The following GLS2 variants were observed in gnomAD, a reference collection of about 807,000 sequenced individuals.
The protein encoded by GLS2 is glutaminase liver isoform, mitochondrial.
Under a neutral mutation model 79.0 loss-of-function variants are expected in GLS2, and 52 were observed. That is an observed-to-expected ratio of 0.66 (90% confidence interval 0.53 to 0.83). The LOEUF is 0.83. GLS2 is among the 40% of genes least tolerant of loss of function. GLS2 has a pLI of 0.00. For missense variants in GLS2, 561 were observed against 764.8 expected (o/e 0.73, Z 3.14); for synonymous variants, 238 against 280.8 (o/e 0.85, Z 1.52).
chr12:56,474,904 G>A lies in GLS2; in HGVS notation c.997-8C>T. 1 of 1,614,124 alleles carries A rather than the reference G, an allele frequency of 6.2e-7. No individual in the cohort carries two copies. The highest frequency in any genetic ancestry group is 8.5e-7 in the Non-Finnish European group (1 of 1,180,030). ...CACCCCCTTAGGAAAGCACTGCAAGGAAGAGAGGGGAGAGCATTTCTCTTC... is the reference window on the plus strand; with the variant it reads ...CACCCCCTTAGGAAAGCACTGCAAGAAAGAGAGGGGAGAGCATTTCTCTTC... On this transcript the variant is annotated splice_region_variant and splice_polypyrimidine_tract_variant and intron_variant, in intron 10 of 17. Coordinates refer to ENST00000311966, the MANE Select transcript of GLS2 (RefSeq NM_013267.4).
intron 1 of GLS2, chr12:56,487,590 C>A (rs1487329672): frequency 2.7e-6 from 1 of 366,010 alleles, no homozygotes; most frequent in Non-Finnish European, 5.0e-6. Flanking sequence ...CTAAAATACA[C>A]ACGAGGACTA....
rs1401651979 is a variant in GLS2, at chr12:56,478,036, G to A, written c.675C>T (p.Thr225=). The A allele has an allele frequency of 1.1e-5, 18 of 1,614,138 alleles. No homozygotes were observed. The highest frequency in any genetic ancestry group is 2.7e-5 in the African/African-American group (2 of 74,942). ...FCLQSCVKPL[T]YAISISTLGT... The stretch of plus-strand genomic sequence containing the variant: ...CTAGGGTGCTTATGGAGATGGCATA[G>A]GTGAGGGGCTTCACACAGGACTGCA... Residue 225 remains threonine, a synonymous_variant, in exon 6 of 18, where the codon ACC becomes ACT. Transcript: ENST00000311966.
chr12:56,473,143 C>T lies in GLS2; in HGVS notation c.1449+85G>A, dbSNP rs1186570592. ...TGACCTTGTGATCCGCCCGCCTTGG[C>T]CTCTCAAAGTGCAGGGATTACAGGC... On this transcript the variant is annotated intron_variant, in intron 14 of 17. Coordinates refer to ENST00000311966, the MANE Select transcript of GLS2 (RefSeq NM_013267.4). The T allele has an allele frequency of 4.0e-6, 5 of 1,247,504 alleles. No homozygotes were observed. The African/African-American group carries it at 6.0e-5, about 15-fold the overall frequency. The allele number at this position is 1,247,504 out of a possible 1,614,324, so 77.3% of individuals were successfully genotyped here. A position where few individuals can be genotyped will look rare whatever the true frequency, so the allele number is the denominator to read the frequency against.
At chr12:56,473,858 G>A in intron 12 of GLS2, 2 of 384,944 alleles carry the variant, frequency 5.2e-6, no homozygotes, top group Non-Finnish European at 9.2e-6. Flanking sequence ...CCATTCTGGT[G>A]TTAGGAGATA....
chr12:56,478,151 C>G, intron 5 of GLS2, 32 bp downstream of exon 5: 2 of 1,614,158 alleles, frequency 1.2e-6, no homozygotes, highest in Non-Finnish European at 1.7e-6. Context: ...CACCTGTGCC[C>G]TGCCTCCCCT....
chr12:56,477,871 T>A (rs879887366), intron 6 of GLS2, 62 bp downstream of exon 6: 5 of 1,563,670 alleles, frequency 3.2e-6, no homozygotes, highest in Non-Finnish European at 2.6e-6. Flanking sequence ...GGCTGGGAGA[T>A]GGGGTGGGGA....
chr12:56,479,337 C>T (rs1191546595), intron 3 of GLS2, 156 bp from the exon 4 acceptor site: 12 of 863,858 alleles, frequency 1.4e-5, no homozygotes, highest in Non-Finnish European at 2.0e-5. Flanking sequence ...CTTTCTAGGT[C>T]TTAGTTTCCG....
At chr12:56,485,057 A>G (rs1870575529) in intron 1 of GLS2, among the ~76,000 whole-genome samples, 1 of 152,190 alleles carries the variant, frequency 6.6e-6, no homozygotes. Context: ...AATCTTTTAA[A>G]ATGACAAGAT....
chr12:56,473,626 T>G (rs1166997521), intron 12 of GLS2, 32 bp from the exon 13 acceptor site: 8 of 1,588,392 alleles, frequency 5.0e-6, no homozygotes, highest in Non-Finnish European at 6.9e-6. Flanking sequence ...GAGGATAAAG[T>G]GGGTGTGCCC....
chr12:56,487,820 A>C, intron 1 of GLS2, 117 bp downstream of exon 1: 1 of 1,180,378 alleles, frequency 8.5e-7, no homozygotes, highest in Non-Finnish European at 1.2e-6. Context: ...ACCGAGGGCT[A>C]GTGAGCGAGG....
intron 1 of GLS2, among the ~76,000 whole-genome samples, chr12:56,481,011 AGATAATATTCTGT>A (rs1168055668): frequency 6.6e-6 from 1 of 152,226 alleles, no homozygotes; most frequent in Non-Finnish European, 1.5e-5. Flanking sequence ...GTGAGGCTTA[AGATAATATTCTGT>A]GAAAAACTGC....
At chr12:56,472,080 A>G in intron 16 of GLS2, 39 bp downstream of exon 16, 1 of 1,602,280 alleles carries the variant, frequency 6.2e-7, no homozygotes, top group Non-Finnish European at 8.5e-7. Flanking sequence ...AAAGGGTCTT[A>G]TGATTACCCT....
chr12:56,484,202 G>A (rs1317466316), intron 1 of GLS2, among the ~76,000 whole-genome samples: 3 of 152,078 alleles, frequency 2.0e-5, no homozygotes, highest in Non-Finnish European at 4.4e-5. Context: ...CCCAGGAGGC[G>A]GAGGTTGCAG....
In GLS2 at chr12:56,478,212, A is replaced by G. The variant is rs1439296332; in HGVS notation, c.585T>C (p.Gly195=). ...GACCATCCACAGTGCACAGGGAGAC[A>G]CCCCACAGGTCTGGGTTTGACTTGG... The part of the protein sequence containing the change: ...QLAKSNPDLW[G]VSLCTVDGQR... The change falls in exon 5 of 18, where the codon GGT becomes GGC. Residue 195 remains glycine, a synonymous_variant. Transcript: ENST00000311966. 7.4e-6 allele frequency: 12 copies of G among 1,614,164 alleles called. No individual in the cohort carries two copies. Among genetic ancestry groups the G allele is most frequent in the Non-Finnish European group, 9.3e-6 (11 of 1,180,032 alleles).
chr12:56,479,668 A>C, intron 3 of GLS2, 112 bp downstream of exon 3: 1 of 1,235,366 alleles, frequency 8.1e-7, no homozygotes, highest in Non-Finnish European at 1.1e-6. Context: ...AATAAGTAAT[A>C]AAATAAAATG....
chr12:56,474,877 T>C lies in GLS2; in HGVS notation c.1016A>G (p.Asp339Gly). The C allele has an allele frequency of 6.2e-7, 1 of 1,614,166 alleles. No individual in the cohort carries two copies. The highest frequency in any genetic ancestry group is 8.5e-7 in the Non-Finnish European group (1 of 1,180,030). Residue 339 changes from aspartate (D) to glycine (G), a missense_variant, in exon 11 of 18, where the codon GAC becomes GGC. Physicochemically the swap from Asp to Gly is moderately conservative, Grantham distance 94 (BLOSUM62 -1). This residue lies in a region of GLS2 where 221 missense variants were observed against 275.6 expected (regional missense o/e 0.80). Transcript: ENST00000311966. ...GTAGAGATCAAGGGCAGCCATCATG[T>C]CCACCCCCTTAGGAAAGCACTGCAA... The part of the protein sequence containing the change: ...KEKKCFPKGV[D>G]MMAALDLYFQ...
intron 1 of GLS2, among the ~76,000 whole-genome samples, chr12:56,480,693 T>C (rs1033593961): frequency 6.6e-6 from 1 of 152,018 alleles, no homozygotes; most frequent in Non-Finnish European, 1.5e-5. Flanking sequence ...CCTTCCCTCT[T>C]CTTCTCCTCT....
rs370475281 is a variant in GLS2 at position 56,479,783 on chromosome 12, C to T, written c.401G>A (p.Arg134Gln). The T allele has an allele frequency of 1.0e-5, 16 of 1,596,192 alleles. No individual in the cohort carries two copies. The highest frequency in any genetic ancestry group is 4.0e-5 in the African/African-American group (3 of 74,416). The part of the protein sequence containing the change: ...SGGLLDRDLF[R>Q]KCVSSNIVLL... ...CCCTTGTTTCTGGGGCCCTCACTTT[C>T]GGAAGAGATCTCGGTCCAAGAGGCC... The change falls in exon 3 of 18, where the codon CGA (arginine) becomes CAA (glutamine). Residue 134 changes from arginine (R) to glutamine (Q), a missense_variant. Coordinates refer to ENST00000311966, the MANE Select transcript of GLS2 (RefSeq NM_013267.4).
At chr12:56,475,443 A>G (rs1869718608) in intron 9 of GLS2, 181 bp downstream of exon 9, 1 of 719,400 alleles carries the variant, frequency 1.4e-6, no homozygotes, top group Admixed American at 2.9e-5. Context: ...TAGAAATGGA[A>G]CAAATTATTT....
Sources: gnomAD v4.1 joint callset for allele counts (sites outside exome capture counted in the v4.1 genomes callset) on GRCh38, gnomAD v4.1.1 for gene constraint, gnomAD v4.1.1 regional missense constraint, MANE v1.5 for transcripts, NCBI Gene and HGNC (gene_info 2026-07-23, HGNC 2026-07-21) for gene names.